SLCO6A1: variants seen among roughly 807,000 people sequenced by gnomAD.
SLCO6A1 encodes the protein cancer/testis antigen 48.
A neutral mutation model predicts 72.7 loss-of-function variants in SLCO6A1; 65 were observed. The observed-to-expected ratio is 0.89, with a 90% confidence interval of 0.73 to 1.10. The LOEUF is 1.10. SLCO6A1 is among the 50% of genes least tolerant of loss of function. The probability of loss-of-function intolerance (pLI) is 0.00; values close to 1 mark genes in which losing one functional copy is unlikely to be tolerated. For synonymous variants in SLCO6A1, 314 were observed against 298.2 expected (o/e 1.05, Z -0.55); for missense variants, 874 against 872.6 (o/e 1.00, Z -0.02).
intron 11 of SLCO6A1, among the ~76,000 whole-genome samples, chr5:102,389,258 GACATTGAGAAA>G (rs1383616347): frequency 6.6e-6 from 1 of 152,014 alleles, no homozygotes; most frequent in Non-Finnish European, 1.5e-5. Flanking sequence ...TATTTATCAA[GACATTGAGAAA>G]AATAACTGAA....
intron 1 of SLCO6A1, among the ~76,000 whole-genome samples, chr5:102,488,174 A>G (rs1580521749): frequency 6.6e-6 from 1 of 152,330 alleles, no homozygotes; most frequent in East Asian, 1.9e-4. Flanking sequence ...TAAAGAGTAT[A>G]ATTCCAATAC....
chr5:102,418,525 C>A (rs1399298637), intron 8 of SLCO6A1, among the ~76,000 whole-genome samples: 1 of 152,082 alleles, frequency 6.6e-6, no homozygotes, highest in East Asian at 1.9e-4. Flanking sequence ...ATTCTATTTT[C>A]TCTCTGTTTT....
chr5:102,456,493 C>T (rs887846388), intron 6 of SLCO6A1, among the ~76,000 whole-genome samples: 7 of 152,082 alleles, frequency 4.6e-5, no homozygotes, highest in Non-Finnish European at 8.8e-5. Flanking sequence ...GAATGAACTC[C>T]CATTCACAAT....
chr5:102,488,474 A>G (rs1752536163), intron 1 of SLCO6A1, among the ~76,000 whole-genome samples: 1 of 152,204 alleles, frequency 6.6e-6, no homozygotes, highest in Admixed American at 6.5e-5. Context: ...TAGTTCCCTG[A>G]CCTGTTGATT....
At chr5:102,403,300 T>G (rs1200826711) in intron 9 of SLCO6A1, among the ~76,000 whole-genome samples, 2 of 152,124 alleles carry the variant, frequency 1.3e-5, no homozygotes, top group African/African-American at 4.8e-5. Context: ...CTCTACACAG[T>G]TACCAGAGCA....
At chr5:102,452,474 C>A (rs1051677145) in intron 6 of SLCO6A1, among the ~76,000 whole-genome samples, 3 of 152,106 alleles carry the variant, frequency 2.0e-5, no homozygotes, top group Non-Finnish European at 4.4e-5. Context: ...ATTCCAACTA[C>A]TTTTACATTT....
At chr5:102,387,364 C>T (rs1746473922) in intron 12 of SLCO6A1, among the ~76,000 whole-genome samples, 1 of 152,148 alleles carries the variant, frequency 6.6e-6, no homozygotes, top group African/African-American at 2.4e-5. Flanking sequence ...TAGCTCCCTA[C>T]TGGAATCTCT....
chr5:102,495,025 G>A (rs1455551937), intron 1 of SLCO6A1, among the ~76,000 whole-genome samples: 1 of 152,024 alleles, frequency 6.6e-6, no homozygotes, highest in Non-Finnish European at 1.5e-5. Context: ...TGGATATAGT[G>A]GATAAAATTC....
At chr5:102,465,328 T>C (rs1228388343) in intron 4 of SLCO6A1, among the ~76,000 whole-genome samples, 1 of 151,938 alleles carries the variant, frequency 6.6e-6, no homozygotes, top group Admixed American at 6.6e-5. Flanking sequence ...TATATATATA[T>C]ATATCTGGGA....
chr5:102,441,924 T>C (rs537925141), intron 6 of SLCO6A1, among the ~76,000 whole-genome samples: 3 of 152,102 alleles, frequency 2.0e-5, no homozygotes, highest in Admixed American at 2.0e-4. Context: ...TAGATTCAAA[T>C]ATTGATTAAC....
At chr5:102,420,845 G>C (rs1481698681) in intron 7 of SLCO6A1, among the ~76,000 whole-genome samples, 3 of 152,084 alleles carry the variant, frequency 2.0e-5, no homozygotes, top group South Asian at 4.1e-4. Context: ...ATGACATAAA[G>C]AGCTCCAGTC....
At chr5:102,446,881 A>G (rs1250059260) in intron 6 of SLCO6A1, among the ~76,000 whole-genome samples, 2 of 151,914 alleles carry the variant, frequency 1.3e-5, no homozygotes, top group African/African-American at 4.8e-5. Context: ...CAGCCTCCCA[A>G]GTGGCTGGGA....
Position 102,498,812 on chromosome 5 carries a change from G to T in SLCO6A1, c.33C>A (p.Ser11Arg). 6.2e-7 allele frequency: 1 copy of T among 1,612,916 alleles called. No homozygotes were observed. The highest frequency in any genetic ancestry group is 1.7e-5 in the Admixed American group (1 of 59,982). ...CTACTCCCCTTGAGACTTCATCCTG[G>T]CTCCCAGAGTGCCGGGCGACGCCTA... MFVGVARHSG[S>R]QDEVSRGVEP... Residue 11 changes from serine to arginine, a missense_variant, in exon 1 of 14, where the codon AGC (serine) becomes AGA (arginine). Coordinates refer to ENST00000506729, the MANE Select transcript of SLCO6A1 (RefSeq NM_173488.5).
At chr5:102,399,944 C>CTGTG (rs34032591) in intron 9 of SLCO6A1, among the ~76,000 whole-genome samples, 136 of 149,964 alleles carry the variant, frequency 9.1e-4, no homozygotes, top group African/African-American at 3.0e-3. Flanking sequence ...GGCAAAAAAT[C>CTGTG]TGTGTGTGTG....
intron 11 of SLCO6A1, among the ~76,000 whole-genome samples, chr5:102,389,195 T>C (rs2112512853): frequency 6.6e-6 from 1 of 152,264 alleles, no homozygotes; most frequent in Admixed American, 6.5e-5. Context: ...TCAAATATCT[T>C]TAATTGTAAA....
chr5:102,373,279 C>T (rs1251781783), intron 13 of SLCO6A1, 58 bp downstream of exon 13: 3 of 1,101,810 alleles, frequency 2.7e-6, no homozygotes, highest in Non-Finnish European at 3.6e-6. Flanking sequence ...ATTATTATTA[C>T]TTTAAATTTT....
At chr5:102,443,989 T>C (rs1043754594) in intron 6 of SLCO6A1, among the ~76,000 whole-genome samples, 32 of 152,144 alleles carry the variant, frequency 2.1e-4, no homozygotes, top group African/African-American at 7.7e-4. Context: ...ATCACAGAAT[T>C]TATCTACAAC....
intron 8 of SLCO6A1, among the ~76,000 whole-genome samples, chr5:102,413,675 T>G (rs2112591293): frequency 1.3e-5 from 2 of 152,302 alleles, no homozygotes; most frequent in Middle Eastern, 6.8e-3. Flanking sequence ...TTCACTTAAC[T>G]TTTTAAGAAA....
At chr5:102,445,634 G>A (rs770838930) in intron 6 of SLCO6A1, among the ~76,000 whole-genome samples, 12 of 151,796 alleles carry the variant, frequency 7.9e-5, no homozygotes, top group Non-Finnish European at 5.9e-5. Context: ...AGTCTCCATC[G>A]TGTCTTTGCC....
Sources: allele counts gnomAD v4.1 joint callset (sites outside exome capture counted in the v4.1 genomes callset), GRCh38; gene constraint gnomAD v4.1.1; transcripts MANE v1.5; gene names NCBI Gene and HGNC (gene_info 2026-07-23, HGNC 2026-07-21).